The following WIPF3 variants were observed in gnomAD, a reference collection of about 807,000 sequenced individuals.
The protein encoded by WIPF3 is WAS/WASL-interacting protein family member 3.
In WIPF3, 33 loss-of-function variants were observed where a neutral mutation model predicts 38.9. That is an observed-to-expected ratio of 0.85 (90% CI 0.64 to 1.14). The LOEUF (loss-of-function observed/expected upper bound fraction) is 1.14, where lower values mean the gene tolerates loss of function less well. Ranked by LOEUF, WIPF3 falls within the 50% of genes most tolerant of loss-of-function variation. WIPF3 has a pLI of 0.00. For synonymous variants in WIPF3, 324 were observed against 269.3 expected (o/e 1.20, Z -1.99); for missense variants, 711 against 652.5 (o/e 1.09, Z -0.98).
At chr7:29,888,611 A>G (rs966635982) in intron 6 of WIPF3, among the ~76,000 whole-genome samples, 4 of 152,172 alleles carry the variant, frequency 2.6e-5, no homozygotes, top group Admixed American at 6.5e-5. Context: ...AAGACTCACC[A>G]GGTAGAGGGA....
At chr7:29,865,296 C>T (rs1170627633) in intron 2 of WIPF3, among the ~76,000 whole-genome samples, 1 of 152,152 alleles carries the variant, frequency 6.6e-6, no homozygotes, top group African/African-American at 2.4e-5. Context: ...CACACTTGGC[C>T]ACTGGCAGAC....
At chr7:29,883,724 G>C in intron 4 of WIPF3, 126 bp from the exon 5 acceptor site, 1 of 1,327,996 alleles carries the variant, frequency 7.5e-7, no homozygotes, top group South Asian at 1.9e-5. Context: ...CAGTGGACAC[G>C]TGCAGAAAAA....
intron 2 of WIPF3, among the ~76,000 whole-genome samples, chr7:29,859,116 T>C (rs1305436235): frequency 6.6e-6 from 1 of 152,128 alleles, no homozygotes; most frequent in African/African-American, 2.4e-5. Context: ...AATATCTTCA[T>C]GAACTATGGA....
At chr7:29,875,055 C>T (rs1289815677) in intron 2 of WIPF3, among the ~76,000 whole-genome samples, 3 of 152,148 alleles carry the variant, frequency 2.0e-5, no homozygotes, top group Admixed American at 6.5e-5. Context: ...ACTTTAAACG[C>T]ACAAGGTCTT....
chr7:29,888,459 A>G (rs174975), intron 6 of WIPF3, among the ~76,000 whole-genome samples: 73,496 of 151,662 alleles, frequency 0.48, 18,661 homozygotes, highest in East Asian at 0.78. Context: ...GAGAAAGGGA[A>G]GAAAAGCAGC....
At chr7:29,847,194 C>T (rs1024407342) in intron 2 of WIPF3, among the ~76,000 whole-genome samples, 10 of 152,124 alleles carry the variant, frequency 6.6e-5, no homozygotes, top group African/African-American at 2.4e-4. Flanking sequence ...GACTGGAAAA[C>T]AACTGGATAA....
At chr7:29,852,044 C>T (rs1298147125) in intron 2 of WIPF3, among the ~76,000 whole-genome samples, 1 of 151,844 alleles carries the variant, frequency 6.6e-6, no homozygotes, top group Non-Finnish European at 1.5e-5. Flanking sequence ...CTTTGTTACC[C>T]AGGCTGCAGT....
At chr7:29,850,937 T>C (rs1785084456) in intron 2 of WIPF3, among the ~76,000 whole-genome samples, 1 of 152,156 alleles carries the variant, frequency 6.6e-6, no homozygotes, top group Non-Finnish European at 1.5e-5. Flanking sequence ...TAATAATACC[T>C]TTATGGGGTT....
intron 1 of WIPF3, among the ~76,000 whole-genome samples, chr7:29,824,281 C>T (rs995123666): frequency 6.6e-6 from 1 of 152,130 alleles, no homozygotes; most frequent in Non-Finnish European, 1.5e-5. Flanking sequence ...TGCACTCTAG[C>T]CTGGGTGACA....
intron 1 of WIPF3, among the ~76,000 whole-genome samples, chr7:29,807,470 G>A (rs1252897208): frequency 3.9e-5 from 6 of 152,186 alleles, no homozygotes; most frequent in South Asian, 2.1e-4. Context: ...GCGGGCACCC[G>A]GCCGCCCTGG....
chr7:29,911,741 T>A (rs1786509166), intron 8 of WIPF3, among the ~76,000 whole-genome samples: 1 of 152,154 alleles, frequency 6.6e-6, no homozygotes, highest in African/African-American at 2.4e-5. Flanking sequence ...CATAGAAGAA[T>A]GAAGTTGGAC....
At chr7:29,809,689 G>A (rs993021506) in intron 1 of WIPF3, among the ~76,000 whole-genome samples, 71 of 152,212 alleles carry the variant, frequency 4.7e-4, no homozygotes, top group African/African-American at 1.5e-3. Flanking sequence ...TTCTAGCTGC[G>A]TCTTTCCTTA....
At chr7:29,865,270 G>A (rs573373687) in intron 2 of WIPF3, among the ~76,000 whole-genome samples, 2 of 152,238 alleles carry the variant, frequency 1.3e-5, no homozygotes, top group African/African-American at 2.4e-5. Context: ...CTTTAGGGGT[G>A]ACTTACTCCA....
At chr7:29,859,721 G>A (rs1785244039) in intron 2 of WIPF3, among the ~76,000 whole-genome samples, 1 of 152,098 alleles carries the variant, frequency 6.6e-6, no homozygotes, top group South Asian at 2.1e-4. Context: ...TCGATCTCAA[G>A]GGCTTGGGAA....
chr7:29,850,442 A>C (rs1181354008), intron 2 of WIPF3, among the ~76,000 whole-genome samples: 8 of 152,182 alleles, frequency 5.3e-5, no homozygotes. Flanking sequence ...TTGAATTAGG[A>C]ATATGAAGGA....
chr7:29,835,867 C>T (rs908063828), intron 2 of WIPF3, among the ~76,000 whole-genome samples: 5 of 152,176 alleles, frequency 3.3e-5, no homozygotes, highest in South Asian at 2.1e-4. Flanking sequence ...TCCTCCCCAC[C>T]GGATGCAACC....
chr7:29,849,712 A>G (rs1583602259), intron 2 of WIPF3, among the ~76,000 whole-genome samples: 1 of 152,294 alleles, frequency 6.6e-6, no homozygotes, highest in African/African-American at 2.4e-5. Flanking sequence ...TTTAAAAAAA[A>G]ATTTGTGTGC....
At chr7:29,840,234 CCA>C (rs2128066523) in intron 2 of WIPF3, among the ~76,000 whole-genome samples, 1 of 152,284 alleles carries the variant, frequency 6.6e-6, no homozygotes, top group East Asian at 1.9e-4. Context: ...GAGCTGTGGC[CCA>C]CTCCATCCTG....
chr7:29,910,345 A>G (rs1443232234), intron 8 of WIPF3, among the ~76,000 whole-genome samples: 1 of 152,200 alleles, frequency 6.6e-6, no homozygotes, highest in South Asian at 2.1e-4. Flanking sequence ...GAATTCTGCC[A>G]AACGTTCAAA....
Sources: gnomAD v4.1 joint callset for allele counts (sites outside exome capture counted in the v4.1 genomes callset) on GRCh38, gnomAD v4.1.1 for gene constraint, MANE v1.5 for transcripts, NCBI Gene and HGNC (gene_info 2026-07-23, HGNC 2026-07-21) for gene names.